KIAA1217: variants seen among roughly 807,000 people sequenced by gnomAD.
The protein encoded by KIAA1217 is sickle tail protein homolog.
In KIAA1217, 88 loss-of-function variants were observed where a neutral mutation model predicts 163.9. The ratio of observed to expected loss-of-function variants is 0.54; its 90% CI spans 0.45 to 0.64. The LOEUF (loss-of-function observed/expected upper bound fraction) is 0.64. KIAA1217 is among the 30% of genes least tolerant of loss of function. The pLI, the probability that KIAA1217 is intolerant of heterozygous loss-of-function variation, is 0.00. For missense variants in KIAA1217, 2,372 were observed against 2,475.0 expected (o/e 0.96, Z 0.88); for synonymous variants, 903 against 923.1 (o/e 0.98, Z 0.39).
intron 1 of KIAA1217, among the ~76,000 whole-genome samples, chr10:23,835,821 T>A (rs761137158): frequency 5.3e-4 from 80 of 152,076 alleles, no homozygotes; most frequent in Non-Finnish European, 2.5e-4. Flanking sequence ...CCATGAGAAG[T>A]CATTTCTCCT....
chr10:23,997,045 C>T (rs888173383), intron 1 of KIAA1217, among the ~76,000 whole-genome samples: 3 of 152,232 alleles, frequency 2.0e-5, no homozygotes, highest in African/African-American at 4.8e-5. Context: ...AAAAACAGCA[C>T]AGCTTCATGG....
intron 9 of KIAA1217, among the ~76,000 whole-genome samples, chr10:24,503,756 G>C (rs1195213918): frequency 6.6e-6 from 1 of 152,214 alleles, no homozygotes; most frequent in Non-Finnish European, 1.5e-5. Flanking sequence ...GGGGCCTATC[G>C]GCTCCCAAGT....
chr10:23,881,697 C>A (rs1287340930), intron 1 of KIAA1217, among the ~76,000 whole-genome samples: 1 of 151,908 alleles, frequency 6.6e-6, no homozygotes, highest in African/African-American at 2.4e-5. Context: ...TACTTTATAA[C>A]CTAATCAAAT....
chr10:24,372,101 G>A (rs147281860), intron 2 of KIAA1217, among the ~76,000 whole-genome samples: 12 of 152,228 alleles, frequency 7.9e-5, no homozygotes, highest in East Asian at 5.8e-4. Flanking sequence ...TGAATACTAC[G>A]CTTGTTACAA....
At chr10:24,214,326 G>T (rs3936155) in intron 1 of KIAA1217, among the ~76,000 whole-genome samples, 1 of 151,938 alleles carries the variant, frequency 6.6e-6, no homozygotes, top group Non-Finnish European at 1.5e-5. Context: ...CTCAGACACA[G>T]CACAGTGTGA....
intron 2 of KIAA1217, among the ~76,000 whole-genome samples, chr10:24,278,854 C>CTTTTTT (rs11288814): frequency 7.8e-5 from 11 of 140,844 alleles, no homozygotes; most frequent in Admixed American, 7.3e-5. Context: ...ACTCAGATTA[C>CTTTTTT]TTTTTTTTTT....
At chr10:23,743,908 AAT>A (rs200883103) in intron 1 of KIAA1217, among the ~76,000 whole-genome samples, 6,618 of 152,122 alleles carry the variant, frequency 0.044, 212 homozygotes, top group Admixed American at 0.079. Flanking sequence ...GAAAAAAAAA[AAT>A]AAATGTCTCT....
chr10:24,204,284 C>A (rs1421142755), upstream of KIAA1217, among the ~76,000 whole-genome samples: 1 of 152,054 alleles, frequency 6.6e-6, no homozygotes, highest in African/African-American at 2.4e-5. Flanking sequence ...GATTGGTTAC[C>A]CTCTGGAGAG....
intron 2 of KIAA1217, among the ~76,000 whole-genome samples, chr10:24,330,930 A>C: frequency 6.6e-6 from 1 of 151,700 alleles, no homozygotes; most frequent in East Asian, 1.9e-4. Flanking sequence ...TTTTATTTTT[A>C]TCTTATATAT....
intron 2 of KIAA1217, among the ~76,000 whole-genome samples, chr10:24,257,981 C>A (rs1033135741): frequency 1.3e-5 from 2 of 151,944 alleles, no homozygotes; most frequent in Non-Finnish European, 2.9e-5. Context: ...AGAGGGGTTC[C>A]TCCCAGGTAC....
intron 2 of KIAA1217, among the ~76,000 whole-genome samples, chr10:24,107,541 C>T (rs1223297056): frequency 2.0e-5 from 3 of 152,196 alleles, no homozygotes; most frequent in Non-Finnish European, 2.9e-5. Context: ...ATCTCACCAG[C>T]ATCTGTTACT....
intron 3 of KIAA1217, among the ~76,000 whole-genome samples, chr10:24,409,997 C>CTTTTTT (rs71397947): frequency 2.7e-4 from 34 of 123,856 alleles, no homozygotes; most frequent in East Asian, 4.6e-4. Flanking sequence ...TTTCTTTTTT[C>CTTTTTT]TTTTTTTTTT....
chr10:23,932,270 G>A (rs138457343), intron 1 of KIAA1217, among the ~76,000 whole-genome samples: 7 of 152,272 alleles, frequency 4.6e-5, no homozygotes, highest in East Asian at 1.9e-4. Flanking sequence ...CAGGACTGTC[G>A]CCTGCAGGGT....
intron 2 of KIAA1217, among the ~76,000 whole-genome samples, chr10:24,076,421 C>G (rs181513784): frequency 2.6e-5 from 4 of 152,140 alleles, no homozygotes; most frequent in Non-Finnish European, 4.4e-5. Context: ...CCTTGGCATT[C>G]GTGGTCTGTG....
At chr10:23,973,820 GA>G (rs566455029) in intron 1 of KIAA1217, among the ~76,000 whole-genome samples, 2 of 147,980 alleles carry the variant, frequency 1.4e-5, no homozygotes, top group African/African-American at 5.0e-5. Context: ...TCTAGTCAAG[GA>G]AAAAAAAATA....
chr10:23,947,806 G>A (rs985518974), intron 1 of KIAA1217, among the ~76,000 whole-genome samples: 11 of 152,094 alleles, frequency 7.2e-5, no homozygotes, highest in Non-Finnish European at 1.5e-4. Flanking sequence ...AACAAGGTAA[G>A]TACATATAGG....
At chr10:24,330,475 T>C (rs1379947643) in intron 2 of KIAA1217, among the ~76,000 whole-genome samples, 2 of 152,180 alleles carry the variant, frequency 1.3e-5, no homozygotes, top group Non-Finnish European at 2.9e-5. Context: ...TTGCAAGCAC[T>C]TTTGATATAG....
chr10:23,763,887 A>G (rs1834385139), intron 1 of KIAA1217, among the ~76,000 whole-genome samples: 1 of 152,214 alleles, frequency 6.6e-6, no homozygotes, highest in South Asian at 2.1e-4. Flanking sequence ...AGTAAAGTTT[A>G]AAAAATGTAG....
At chr10:23,985,810 C>G (rs909936489) in intron 1 of KIAA1217, among the ~76,000 whole-genome samples, 1 of 152,150 alleles carries the variant, frequency 6.6e-6, no homozygotes, top group Non-Finnish European at 1.5e-5. Flanking sequence ...TCTCATAAAG[C>G]CTTAGAGGAG....
Sources: gnomAD v4.1 joint callset for allele counts (sites outside exome capture counted in the v4.1 genomes callset) on GRCh38, gnomAD v4.1.1 for gene constraint, MANE v1.5 for transcripts, NCBI Gene and HGNC (gene_info 2026-07-23, HGNC 2026-07-21) for gene names.